Variants in PPP1R12A observed in about 807,000 individuals in gnomAD.
PPP1R12A encodes the protein protein phosphatase 1 regulatory subunit 12A.
A neutral mutation model predicts 139.6 loss-of-function variants in PPP1R12A; 19 were observed. That is an observed-to-expected ratio of 0.14 (90% confidence interval 0.09 to 0.20). PPP1R12A has a LOEUF of 0.20. Among genes scored for constraint, PPP1R12A ranks in the 10% least tolerant of loss-of-function variants. The pLI is 1.00. For synonymous variants in PPP1R12A, 427 were observed against 420.6 expected, an observed-to-expected ratio of 1.02 and a Z score of -0.19; for missense variants, 925 against 1,211.5, an observed-to-expected ratio of 0.76 and a Z score of 3.51.
intron 2 of PPP1R12A, chr12:79,849,051 C>T (rs1008848208): frequency 6.6e-6 from 1 of 151,848 alleles, no homozygotes; most frequent in African/African-American, 2.4e-5. Flanking sequence ...CTTTACTGGG[C>T]AATGTGGTTT....
Position 79,912,456 on chromosome 12 carries a change from C to G in PPP1R12A, c.237+22239G>C, listed in dbSNP as rs1023721229. Among the ~76,000 whole-genome samples, 77 of 152,044 alleles carry G rather than the reference C, an allele frequency of 5.1e-4. 5 individuals are homozygous for G. Among genetic ancestry groups the G allele is most frequent in the Non-Finnish European group, 4.4e-5 (3 of 67,998 alleles). On this transcript the variant is annotated intron_variant, in intron 1 of 24. Coordinates refer to ENST00000450142, the MANE Select transcript of PPP1R12A (RefSeq NM_002480.3). ...CTGGTAATCCCCACACTTTGGAAGG[C>G]CAAGGCGGGAGGATCGCTTGAGCCC...
At chr12:79,881,703 G>A (rs1192837791) in intron 1 of PPP1R12A, among the ~76,000 whole-genome samples, 1 of 152,150 alleles carries the variant, frequency 6.6e-6, no homozygotes, top group Non-Finnish European at 1.5e-5. Context: ...CTGTAGACAC[G>A]GCAACCTTCT....
chr12:79,893,887 T>C (rs191919408), intron 1 of PPP1R12A, among the ~76,000 whole-genome samples: 14 of 152,308 alleles, frequency 9.2e-5, no homozygotes, highest in African/African-American at 3.4e-4. Context: ...AATAAGAACA[T>C]ACCAGAGTAC....
At chr12:79,852,111 G>A (rs1007215173) in intron 2 of PPP1R12A, among the ~76,000 whole-genome samples, 16 of 151,418 alleles carry the variant, frequency 1.1e-4, no homozygotes, top group African/African-American at 3.6e-4. Context: ...TGTTATCCTG[G>A]TGTTCATCTC....
intron 2 of PPP1R12A, among the ~76,000 whole-genome samples, chr12:79,866,229 C>T (rs1202357922): frequency 6.6e-6 from 1 of 152,118 alleles, no homozygotes; most frequent in Admixed American, 6.5e-5. Flanking sequence ...AAAAAGATTC[C>T]CTATTTAATA....
intron 1 of PPP1R12A, among the ~76,000 whole-genome samples, chr12:79,876,594 T>A (rs1883124627): frequency 6.6e-6 from 1 of 152,206 alleles, no homozygotes; most frequent in Admixed American, 6.5e-5. Context: ...ATTTCTCACC[T>A]GCAACAGGAT....
intron 3 of PPP1R12A, among the ~76,000 whole-genome samples, chr12:79,832,802 A>G (rs1431691727): frequency 6.6e-6 from 1 of 151,822 alleles, no homozygotes; most frequent in Non-Finnish European, 1.5e-5. Context: ...CCTTTGGGCT[A>G]AATTTTTTTT....
At chr12:79,858,195 T>C (rs1880905380) in intron 2 of PPP1R12A, among the ~76,000 whole-genome samples, 1 of 152,226 alleles carries the variant, frequency 6.6e-6, no homozygotes, top group Non-Finnish European at 1.5e-5. Flanking sequence ...GACAAATTAC[T>C]ACTTCATTCT....
At chr12:79,923,369 G>A (rs1887594447) in intron 1 of PPP1R12A, among the ~76,000 whole-genome samples, 1 of 152,262 alleles carries the variant, frequency 6.6e-6, no homozygotes, top group Non-Finnish European at 1.5e-5. Context: ...AAAGGACTAG[G>A]AAAATAAATT....
chr12:79,814,815 C>CA (rs149384466), intron 9 of PPP1R12A, among the ~76,000 whole-genome samples: 55,434 of 69,724 alleles, frequency 0.8, 23,982 homozygotes, highest in Middle Eastern at 0.91. Context: ...AACTCTGTCT[C>CA]AAAAAAAAAA....
chr12:79,839,417 T>C (rs1164454145), intron 3 of PPP1R12A, among the ~76,000 whole-genome samples: 1 of 152,074 alleles, frequency 6.6e-6, no homozygotes, highest in Non-Finnish European at 1.5e-5. Context: ...TGGGAAGGTA[T>C]GATTGTGTTA....
rs201858651 is a variant in PPP1R12A at position 79,796,802 on chromosome 12, A to G, written c.2441T>C (p.Ile814Thr). The G allele has an allele frequency of 3.5e-5, 56 of 1,605,512 alleles. No homozygotes were observed. In the African/African-American group the frequency reaches 6.6e-4, roughly 19 times the overall value. The change falls in exon 17 of 25, where the codon ATA becomes ACA. Residue 814 changes from isoleucine (I) to threonine (T), a missense_variant. Coordinates refer to ENST00000450142, the MANE Select transcript of PPP1R12A (RefSeq NM_002480.3). Reference sequence around the variant, plus strand: ...CTTACCTCTTTCATTTTCTTTTGTTATTCCTCTGGAGTAAGCAGAAGTTAT... The same window carrying G: ...CTTACCTCTTTCATTTTCTTTTGTTGTTCCTCTGGAGTAAGCAGAAGTTAT... The part of the protein sequence containing the change: ...VGITSAYSRG[I>T]TKENEREGEK...
chr12:79,790,255 G>A (rs1871669101), intron 20 of PPP1R12A, among the ~76,000 whole-genome samples: 1 of 152,110 alleles, frequency 6.6e-6, no homozygotes, highest in South Asian at 2.1e-4. Flanking sequence ...TTGTTGTAGA[G>A]ATTTGGGGAA....
chr12:79,809,897 T>C lies in PPP1R12A; in HGVS notation c.1353A>G (p.Glu451=). 1 of 1,613,540 alleles carries C rather than the reference T, an allele frequency of 6.2e-7. No individual in the cohort carries two copies. Among genetic ancestry groups the C allele is most frequent in the Admixed American group, 1.7e-5 (1 of 59,964 alleles). ...TCTGACCCTCTTTAGATGCTGTGATTTCAGCAAGTGCACCATAGCTGCCCG... is the reference window on the plus strand; with the variant it reads ...TCTGACCCTCTTTAGATGCTGTGATCTCAGCAAGTGCACCATAGCTGCCCG... ...RKTGSYGALA[E]ITASKEGQKE... Residue 451 remains glutamate (E), a synonymous_variant, in exon 10 of 25, where the codon GAA becomes GAG. Transcript: ENST00000450142.
At chr12:79,923,707 C>T (rs947287496) in intron 1 of PPP1R12A, among the ~76,000 whole-genome samples, 8 of 152,068 alleles carry the variant, frequency 5.3e-5, no homozygotes, top group African/African-American at 1.9e-4. Flanking sequence ...GGATAAAATT[C>T]ACATACAACA....
intron 23 of PPP1R12A, chr12:79,780,816 A>C: frequency 6.6e-6 from 1 of 152,174 alleles, no homozygotes; most frequent in Non-Finnish European, 1.5e-5. Flanking sequence ...TCAGAACACT[A>C]ATTTTTAAAA....
intron 1 of PPP1R12A, among the ~76,000 whole-genome samples, chr12:79,916,463 T>C (rs988991911): frequency 2.0e-5 from 3 of 152,332 alleles, no homozygotes; most frequent in South Asian, 2.1e-4. Context: ...AAAACTGCTT[T>C]TCTAATTCTT....
At chr12:79,785,304 T>A (rs1228965446) in intron 22 of PPP1R12A, among the ~76,000 whole-genome samples, 1 of 152,212 alleles carries the variant, frequency 6.6e-6, no homozygotes, top group East Asian at 1.9e-4. Flanking sequence ...GAGGTTAGCC[T>A]GAACCCTAGA....
At chr12:79,827,692 T>C (rs1248839809) in intron 5 of PPP1R12A, among the ~76,000 whole-genome samples, 1 of 152,138 alleles carries the variant, frequency 6.6e-6, no homozygotes, top group East Asian at 1.9e-4. Context: ...AACGCTTGTA[T>C]GACATTTTCT....
Sources: allele counts gnomAD v4.1 joint callset (sites outside exome capture counted in the v4.1 genomes callset), GRCh38; gene constraint gnomAD v4.1.1; transcripts MANE v1.5; gene names NCBI Gene and HGNC (gene_info 2026-07-23, HGNC 2026-07-21).